ALDH1L1: variants seen among roughly 807,000 people sequenced by gnomAD.
The protein encoded by ALDH1L1 is aldehyde dehydrogenase 1 family member L1.
ALDH1L1 carries 68 observed loss-of-function variants against 101.1 expected under a neutral mutation model. The ratio of observed to expected loss-of-function variants is 0.67; its 90% CI spans 0.55 to 0.82. The LOEUF (loss-of-function observed/expected upper bound fraction) is 0.82. ALDH1L1 is among the 40% of genes least tolerant of loss of function. ALDH1L1 has a pLI of 0.00. For synonymous variants in ALDH1L1, 486 were observed against 470.8 expected (o/e 1.03, Z -0.42); for missense variants, 1,087 against 1,172.7 (o/e 0.93, Z 1.07).
At chr3:126,146,721 G>T in intron 9 of ALDH1L1, 114 bp downstream of exon 9, 1 of 1,148,986 alleles carries the variant, frequency 8.7e-7, no homozygotes, top group Non-Finnish European at 1.2e-6. Flanking sequence ...CTGGGTCCCT[G>T]GCCCACATGA....
At chr3:126,112,669 G>A in intron 19 of ALDH1L1, 113 bp downstream of exon 19, 1 of 995,586 alleles carries the variant, frequency 1.0e-6, no homozygotes, top group Non-Finnish European at 1.5e-6. Context: ...GTGTCCTCCA[G>A]GAGGAGCCCA....
At chr3:126,189,800 C>T (rs1438657014) in intron 1 of ALDH1L1, among the ~76,000 whole-genome samples, 2 of 152,214 alleles carry the variant, frequency 1.3e-5, no homozygotes, top group Non-Finnish European at 2.9e-5. Flanking sequence ...CCAATAACTA[C>T]TACATAAAGG....
intron 1 of ALDH1L1, among the ~76,000 whole-genome samples, chr3:126,192,981 G>C (rs2108355187): frequency 6.6e-6 from 1 of 152,294 alleles, no homozygotes. Flanking sequence ...GCTACAGGTT[G>C]GAGTTTGCCT....
chr3:126,177,564 G>A (rs537379854), intron 1 of ALDH1L1, among the ~76,000 whole-genome samples: 2 of 152,254 alleles, frequency 1.3e-5, no homozygotes, highest in South Asian at 4.2e-4. Context: ...GGGGTTGGGG[G>A]GTGGATGGGT....
chr3:126,135,421 C>A (rs975508980), intron 12 of ALDH1L1, 114 bp downstream of exon 12: 1 of 1,457,836 alleles, frequency 6.9e-7, no homozygotes. Context: ...CCCATAGCCT[C>A]CCCAGGACCC....
chr3:126,131,133 G>C (rs1454733161), intron 13 of ALDH1L1, among the ~76,000 whole-genome samples: 1 of 152,250 alleles, frequency 6.6e-6, no homozygotes, highest in Non-Finnish European at 1.5e-5. Context: ...TTCTGTCCCA[G>C]AGTCTCCAGA....
intron 22 of ALDH1L1, chr3:126,104,622 G>C (rs1053824677): frequency 6.5e-6 from 1 of 153,044 alleles, no homozygotes; most frequent in African/African-American, 2.4e-5. Flanking sequence ...AAGGTGGCCT[G>C]GGAGAAGGCA....
chr3:126,154,693 C>T, intron 5 of ALDH1L1, 50 bp from the exon 6 acceptor site: 1 of 1,556,002 alleles, frequency 6.4e-7, no homozygotes, highest in Admixed American at 1.7e-5. Context: ...TCACTCCCCT[C>T]CCACCCTGAT....
intron 17 of ALDH1L1, among the ~76,000 whole-genome samples, chr3:126,116,078 CA>C (rs2079964905): frequency 6.7e-6 from 1 of 148,344 alleles, no homozygotes; most frequent in African/African-American, 2.5e-5. Context: ...GATGGGGTTT[CA>C]CCATGTTGGC....
rs988730300 is a variant in ALDH1L1, at chr3:126,131,402, G to C, written c.1605C>G (p.Gly535=). 2.5e-6 allele frequency: 4 copies of C among 1,605,414 alleles called. No individual in the cohort carries two copies. In the African/African-American group the frequency reaches 5.3e-5, roughly 21 times the overall value. ...MSIQTFRYFA[G]WCDKIQGSTI... is the part of the protein sequence containing the mutation. ...GCCCCACCTGGATCTTGTCACACCA[G>C]CCAGCAAAGTAGCGGAAGGTCTGGA... Residue 535 remains glycine, a synonymous_variant, in exon 13 of 23, where the codon GGC becomes GGG. Transcript: ENST00000393434.
At chr3:126,133,850 G>A (rs1436064580) in intron 12 of ALDH1L1, among the ~76,000 whole-genome samples, 2 of 152,194 alleles carry the variant, frequency 1.3e-5, no homozygotes, top group African/African-American at 2.4e-5. Context: ...AGTGGTATCT[G>A]GGCAGAGCCA....
intron 22 of ALDH1L1, chr3:126,105,289 C>T: frequency 3.4e-6 from 1 of 293,558 alleles, no homozygotes; most frequent in Non-Finnish European, 6.7e-6. Flanking sequence ...GCCTTCTCTC[C>T]TCCCTCCTGC....
chr3:126,147,781 C>T (rs987452320), intron 8 of ALDH1L1, among the ~76,000 whole-genome samples: 2 of 152,148 alleles, frequency 1.3e-5, no homozygotes, highest in African/African-American at 4.8e-5. Flanking sequence ...GGCACAAGCA[C>T]CCCCGGCTCT....
At chr3:126,124,838 T>C (rs1219216984) in intron 15 of ALDH1L1, among the ~76,000 whole-genome samples, 3 of 152,236 alleles carry the variant, frequency 2.0e-5, no homozygotes, top group Non-Finnish European at 4.4e-5. Context: ...GTGATACATG[T>C]TGAAATGCTT....
intron 15 of ALDH1L1, among the ~76,000 whole-genome samples, chr3:126,124,898 T>C (rs1444306018): frequency 6.6e-6 from 1 of 152,250 alleles, no homozygotes; most frequent in Non-Finnish European, 1.5e-5. Context: ...CCATCATTAT[T>C]GTTTTTCATT....
intron 8 of ALDH1L1, 87 bp from the exon 9 acceptor site, chr3:126,147,013 T>C (rs2080705348): frequency 3.8e-6 from 5 of 1,300,910 alleles, no homozygotes; most frequent in Admixed American, 2.2e-5. Flanking sequence ...AACAGACTCA[T>C]GGATGGCCTG....
chr3:126,107,104 G>C lies in ALDH1L1; in HGVS notation c.2453+37C>G, dbSNP rs1485359676. ...GAAGACCCCAGTAACACGTGGGAGAGAGTCAGGGCCCTTGAGACATCAGCA... is the reference window on the plus strand; with the variant it reads ...GAAGACCCCAGTAACACGTGGGAGACAGTCAGGGCCCTTGAGACATCAGCA... On this transcript the variant is annotated intron_variant, in intron 21 of 22. Transcript: ENST00000393434. 3.8e-6 allele frequency: 6 copies of C among 1,571,080 alleles called. No individual in the cohort carries two copies. The African/African-American group carries it at 5.4e-5, about 14-fold the overall frequency.
intron 14 of ALDH1L1, among the ~76,000 whole-genome samples, chr3:126,128,081 T>C (rs1253865948): frequency 6.6e-6 from 1 of 151,962 alleles, no homozygotes; most frequent in African/African-American, 2.4e-5. Context: ...CACAGTGGAC[T>C]GGGGAGGGGG....
At chr3:126,147,934 G>A (rs546456501) in intron 8 of ALDH1L1, among the ~76,000 whole-genome samples, 5 of 152,164 alleles carry the variant, frequency 3.3e-5, no homozygotes, top group South Asian at 2.1e-4. Context: ...ACCTGCTGGC[G>A]ACACCTTCCC....
Sources: gnomAD v4.1 joint callset for allele counts (sites outside exome capture counted in the v4.1 genomes callset) on GRCh38, gnomAD v4.1.1 for gene constraint, MANE v1.5 for transcripts, NCBI Gene and HGNC (gene_info 2026-07-23, HGNC 2026-07-21) for gene names.